SPPL3: variants seen among roughly 807,000 people sequenced by gnomAD.
SPPL3 encodes signal peptide peptidase-like 3.
In SPPL3, 5 loss-of-function variants were observed where a neutral mutation model predicts 42.4. That is an observed-to-expected ratio of 0.12 (90% confidence interval 0.06 to 0.25). The LOEUF (loss-of-function observed/expected upper bound fraction) is 0.25. Among genes scored for constraint, SPPL3 ranks in the 10% least tolerant of loss-of-function variants. SPPL3 has a pLI of 1.00. For synonymous variants in SPPL3, 195 were observed against 181.8 expected (o/e 1.07, Z -0.58); for missense variants, 235 against 489.0 (o/e 0.48, Z 4.90).
At chr12:120,854,272 C>T (rs1378624967) in intron 1 of SPPL3, among the ~76,000 whole-genome samples, 1 of 152,200 alleles carries the variant, frequency 6.6e-6, no homozygotes, top group Admixed American at 6.5e-5. Flanking sequence ...CTAAAAAATT[C>T]TCCACATTCA....
intron 2 of SPPL3, among the ~76,000 whole-genome samples, chr12:120,797,467 T>C (rs140975457): frequency 2.5e-3 from 374 of 152,276 alleles, no homozygotes; most frequent in Non-Finnish European, 3.9e-3. Flanking sequence ...ATGAAAAATA[T>C]CTTGAAAACT....
rs75197970 is a variant in SPPL3, at chr12:120,892,401, C to G, written c.23+11444G>C. 6.5e-4 allele frequency among the ~76,000 whole-genome samples: 99 copies of G among 152,210 alleles called. No individual in the cohort carries two copies. In the East Asian group the frequency reaches 0.019, roughly 29 times the overall value. ...AGAAGAACATTTCTCCTGCGCCAAT[C>G]AGAAAGAAGGCTCCACAGCAAGGGG... On this transcript the variant is annotated intron_variant, in intron 1 of 10. Coordinates refer to ENST00000353487, the MANE Select transcript of SPPL3 (RefSeq NM_139015.5).
chr12:120,827,729 G>T (rs1314363954), intron 1 of SPPL3, among the ~76,000 whole-genome samples: 1 of 152,112 alleles, frequency 6.6e-6, no homozygotes, highest in Non-Finnish European at 1.5e-5. Flanking sequence ...CCCTCCAAGA[G>T]CTAATGGTAA....
chr12:120,826,119 C>G (rs188469439), intron 1 of SPPL3, among the ~76,000 whole-genome samples: 2 of 151,338 alleles, frequency 1.3e-5, no homozygotes, highest in African/African-American at 4.8e-5. Context: ...CATGGAGAAA[C>G]CCTGTCTCTA....
At chr12:120,785,234 G>A (rs1015719709) in intron 3 of SPPL3, among the ~76,000 whole-genome samples, 3 of 148,906 alleles carry the variant, frequency 2.0e-5, no homozygotes, top group East Asian at 2.0e-4. Context: ...CGAGACCCCC[G>A]TTTCTATCTA....
chr12:120,821,547 A>G (rs1871072071), intron 1 of SPPL3, among the ~76,000 whole-genome samples: 1 of 152,242 alleles, frequency 6.6e-6, no homozygotes, highest in Non-Finnish European at 1.5e-5. Context: ...AAAAAATTAT[A>G]ATACAGCTTT....
chr12:120,798,507 A>G (rs114976114), intron 2 of SPPL3, among the ~76,000 whole-genome samples: 1,759 of 152,258 alleles, frequency 0.012, 42 homozygotes, highest in African/African-American at 0.04. Context: ...TGATCTTTTA[A>G]GCTTTAATTC....
chr12:120,857,211 C>T (rs949702218), intron 1 of SPPL3, among the ~76,000 whole-genome samples: 2 of 152,212 alleles, frequency 1.3e-5, no homozygotes, highest in East Asian at 1.9e-4. Flanking sequence ...CTAAAGTCTT[C>T]CTGCCCACTT....
intron 1 of SPPL3, among the ~76,000 whole-genome samples, chr12:120,874,531 T>C (rs1004812244): frequency 6.6e-6 from 1 of 151,738 alleles, no homozygotes; most frequent in African/African-American, 2.4e-5. Context: ...TAATAATGTA[T>C]TGTGTAACAT....
rs141198510 is a variant in SPPL3, at chr12:120,778,072, A to G, written c.502+4583T>C. ...ATTTACATATTTGTAAAAAATAAAA[A>G]CATATTTAACATTTTATTTCCAAAA... On this transcript the variant is annotated intron_variant, in intron 6 of 10. Transcript: ENST00000353487. Among the ~76,000 whole-genome samples, 1,103 of 150,170 alleles carry G rather than the reference A, an allele frequency of 7.3e-3. 11 individuals are homozygous for G. Among genetic ancestry groups the G allele is most frequent in the African/African-American group, 0.026 (1,046 of 40,978 alleles).
intron 1 of SPPL3, among the ~76,000 whole-genome samples, chr12:120,876,120 T>A (rs1445021378): frequency 4.0e-5 from 6 of 151,318 alleles, no homozygotes; most frequent in African/African-American, 1.5e-4. Context: ...TTTTCAAGTG[T>A]ACTTAAAACA....
At chr12:120,857,119 ATGAC>A (rs777420245) in intron 1 of SPPL3, among the ~76,000 whole-genome samples, 16 of 152,340 alleles carry the variant, frequency 1.1e-4, no homozygotes, top group African/African-American at 2.9e-4. Flanking sequence ...AGGAAGAGTA[ATGAC>A]CAGATGTCTG....
intron 9 of SPPL3, among the ~76,000 whole-genome samples, 157 bp from the exon 10 acceptor site, chr12:120,766,529 GATC>G (rs1868914320): frequency 1.3e-5 from 2 of 152,166 alleles, no homozygotes; most frequent in African/African-American, 4.8e-5. Flanking sequence ...AAGAAATGTG[GATC>G]AGCACAGCTT....
At chr12:120,779,789 A>G (rs1776506370) in intron 6 of SPPL3, among the ~76,000 whole-genome samples, 1 of 140,604 alleles carries the variant, frequency 7.1e-6, no homozygotes, top group Non-Finnish European at 1.5e-5. Flanking sequence ...AGCCTGGCCA[A>G]CGTGGCGAAA....
At chr12:120,836,918 GTGT>G (rs1385820963) in intron 1 of SPPL3, among the ~76,000 whole-genome samples, 2 of 152,164 alleles carry the variant, frequency 1.3e-5, no homozygotes, top group Non-Finnish European at 2.9e-5. Context: ...TATCCTGATT[GTGT>G]TGTTAAGAGT....
chr12:120,772,331 C>A (rs924363348), intron 6 of SPPL3, among the ~76,000 whole-genome samples: 4 of 152,278 alleles, frequency 2.6e-5, no homozygotes, highest in African/African-American at 9.6e-5. Context: ...CCAGTTGCTT[C>A]TTCTATGTGA....
intron 1 of SPPL3, among the ~76,000 whole-genome samples, chr12:120,893,293 A>G (rs913286441): frequency 6.6e-6 from 1 of 151,924 alleles, no homozygotes; most frequent in African/African-American, 2.4e-5. Flanking sequence ...TACTAAAAAT[A>G]CAAAAAATTA....
At chr12:120,844,148 CG>C (rs1871938084) in intron 1 of SPPL3, among the ~76,000 whole-genome samples, 1 of 152,108 alleles carries the variant, frequency 6.6e-6, no homozygotes, top group Admixed American at 6.6e-5. Context: ...ATAGAACTCT[CG>C]ATTTTTCTCA....
chr12:120,797,369 G>C (rs1870136050), intron 2 of SPPL3, among the ~76,000 whole-genome samples: 1 of 152,078 alleles, frequency 6.6e-6, no homozygotes, highest in South Asian at 2.1e-4. Flanking sequence ...ACCATGAGTG[G>C]AAACTATCTT....
Sources: allele counts gnomAD v4.1 joint callset (sites outside exome capture counted in the v4.1 genomes callset), GRCh38; gene constraint gnomAD v4.1.1; transcripts MANE v1.5; gene names NCBI Gene and HGNC (gene_info 2026-07-23, HGNC 2026-07-21).